KCNIP4: variants seen among roughly 807,000 people sequenced by gnomAD.
KCNIP4 encodes Kv channel-interacting protein 4.
In KCNIP4, 12 loss-of-function variants were observed where a neutral mutation model predicts 34.0. That is an observed-to-expected ratio of 0.35 (90% confidence interval 0.23 to 0.57). KCNIP4 has a LOEUF of 0.57. Among genes scored for constraint, KCNIP4 ranks in the 20% least tolerant of loss-of-function variants. KCNIP4 has a pLI of 0.83. For synonymous variants in KCNIP4, 124 were observed against 102.2 expected (o/e 1.21, Z -1.29); for missense variants, 238 against 311.7 (o/e 0.76, Z 1.78).
At chr4:21,770,848 T>C (rs1718731354) in intron 1 of KCNIP4, among the ~76,000 whole-genome samples, 1 of 152,182 alleles carries the variant, frequency 6.6e-6, no homozygotes, top group Non-Finnish European at 1.5e-5. Context: ...TATTAGCCCT[T>C]TGTCAGATAG....
At chr4:21,417,173 G>A (rs1725023411) in intron 1 of KCNIP4, among the ~76,000 whole-genome samples, 1 of 151,970 alleles carries the variant, frequency 6.6e-6, no homozygotes, top group African/African-American at 2.4e-5. Flanking sequence ...TAGACATAGG[G>A]AATCCATATT....
intron 1 of KCNIP4, among the ~76,000 whole-genome samples, chr4:20,962,956 C>T (rs1271268663): frequency 6.6e-6 from 1 of 152,112 alleles, no homozygotes; most frequent in Non-Finnish European, 1.5e-5. Context: ...ATTTCTCTAA[C>T]CGTCACTTTG....
At chr4:20,749,181 C>G (rs988261465) in intron 5 of KCNIP4, among the ~76,000 whole-genome samples, 5 of 128,714 alleles carry the variant, frequency 3.9e-5, no homozygotes, top group African/African-American at 1.4e-4. Flanking sequence ...AATACGTTCT[C>G]TACAGATCAC....
At chr4:20,954,872 C>T (rs534116667) in intron 1 of KCNIP4, among the ~76,000 whole-genome samples, 2 of 152,322 alleles carry the variant, frequency 1.3e-5, no homozygotes, top group South Asian at 4.1e-4. Flanking sequence ...ATGTGCCACC[C>T]TCTTCGATTT....
At chr4:21,030,410 A>C (rs1171932734) in intron 1 of KCNIP4, among the ~76,000 whole-genome samples, 3 of 152,140 alleles carry the variant, frequency 2.0e-5, no homozygotes, top group Non-Finnish European at 4.4e-5. Flanking sequence ...TAATTATTTC[A>C]TTATATATTA....
intron 1 of KCNIP4, among the ~76,000 whole-genome samples, chr4:20,996,541 C>T (rs1000270335): frequency 2.0e-5 from 3 of 152,080 alleles, no homozygotes; most frequent in African/African-American, 4.8e-5. Flanking sequence ...ATGTGATGTT[C>T]TTTACCCCAA....
intron 1 of KCNIP4, among the ~76,000 whole-genome samples, chr4:21,860,061 A>C (rs951374817): frequency 2.6e-5 from 4 of 152,192 alleles, no homozygotes; most frequent in Non-Finnish European, 5.9e-5. Context: ...ACTGATTCAA[A>C]AGGGTATTGA....
intron 1 of KCNIP4, among the ~76,000 whole-genome samples, chr4:21,906,465 G>A (rs754473970): frequency 6.6e-6 from 1 of 152,206 alleles, no homozygotes; most frequent in Non-Finnish European, 1.5e-5. Flanking sequence ...GACTCTGGAA[G>A]AGGCAAGGAA....
At chr4:21,700,521 C>T (rs577079395) in intron 1 of KCNIP4, among the ~76,000 whole-genome samples, 3 of 152,162 alleles carry the variant, frequency 2.0e-5, no homozygotes, top group East Asian at 3.9e-4. Context: ...CAAATATTTT[C>T]TCCCAATTGT....
intron 1 of KCNIP4, among the ~76,000 whole-genome samples, chr4:21,544,071 T>C (rs144231762): frequency 1.3e-5 from 2 of 152,268 alleles, no homozygotes; most frequent in African/African-American, 4.8e-5. Context: ...AACATCTGAG[T>C]ACTGATCCCA....
At chr4:20,856,307 C>T (rs1011490714) in intron 2 of KCNIP4, among the ~76,000 whole-genome samples, 5 of 152,188 alleles carry the variant, frequency 3.3e-5, no homozygotes, top group Non-Finnish European at 5.9e-5. Context: ...GTTCTTCAAC[C>T]TAAAATGTTC....
intron 1 of KCNIP4, among the ~76,000 whole-genome samples, chr4:21,271,265 G>A (rs1762129907): frequency 6.6e-6 from 1 of 152,126 alleles, no homozygotes; most frequent in Admixed American, 6.6e-5. Flanking sequence ...TTATTTTTCT[G>A]TAACAGTGTC....
intron 1 of KCNIP4, among the ~76,000 whole-genome samples, chr4:21,676,980 T>C (rs1232253901): frequency 2.3e-5 from 2 of 88,748 alleles, no homozygotes; most frequent in South Asian, 4.0e-4. Flanking sequence ...AAAGTATATG[T>C]TCCAGAAAAA....
intron 3 of KCNIP4, among the ~76,000 whole-genome samples, chr4:20,826,765 T>C (rs1717811045): frequency 6.6e-6 from 1 of 152,158 alleles, no homozygotes; most frequent in Non-Finnish European, 1.5e-5. Flanking sequence ...ATGGATACTA[T>C]CATTGATAGA....
At chr4:21,051,780 C>T (rs897297822) in intron 1 of KCNIP4, among the ~76,000 whole-genome samples, 40 of 152,202 alleles carry the variant, frequency 2.6e-4, no homozygotes, top group African/African-American at 8.2e-4. Flanking sequence ...GCTGATCTTG[C>T]TCCAAGAAGC....
intron 1 of KCNIP4, among the ~76,000 whole-genome samples, chr4:21,001,309 T>G (rs547993725): frequency 6.6e-6 from 1 of 152,310 alleles, no homozygotes; most frequent in Non-Finnish European, 1.5e-5. Context: ...GCTTAATTGC[T>G]TATGAAGAAA....
rs549164165 is a variant in KCNIP4 at position 20,832,847 on chromosome 4, A to C, written c.288+17696T>G. 8.5e-4 allele frequency among the ~76,000 whole-genome samples: 129 copies of C among 152,322 alleles called. 2 individuals carry two copies. Among genetic ancestry groups the C allele is most frequent in the African/African-American group, 3.0e-3 (124 of 41,570 alleles). On this transcript the variant is annotated intron_variant, in intron 3 of 8. Coordinates refer to ENST00000382152, the MANE Select transcript of KCNIP4 (RefSeq NM_025221.6). The stretch of plus-strand genomic sequence containing the variant: ...TGACAGAAGGGATTTTAAGGAAGAC[A>C]ACAAGTTAGTCTTCTGGAGTAACAT...
chr4:21,089,384 C>T (rs1200857330), intron 1 of KCNIP4, among the ~76,000 whole-genome samples: 1 of 152,158 alleles, frequency 6.6e-6, no homozygotes, highest in East Asian at 1.9e-4. Context: ...CCTCCACAGC[C>T]AGGCTTCCTG....
chr4:21,504,336 C>T (rs972012327), intron 1 of KCNIP4, among the ~76,000 whole-genome samples: 3 of 151,624 alleles, frequency 2.0e-5, no homozygotes, highest in Non-Finnish European at 2.9e-5. Flanking sequence ...GGCATGGTGG[C>T]GCGTGCCTGT....
Sources: gnomAD v4.1 joint callset for allele counts (sites outside exome capture counted in the v4.1 genomes callset) on GRCh38, gnomAD v4.1.1 for gene constraint, MANE v1.5 for transcripts, NCBI Gene and HGNC (gene_info 2026-07-23, HGNC 2026-07-21) for gene names.